The following RIF1 variants were observed in gnomAD, a reference collection of about 807,000 sequenced individuals.
RIF1 encodes the protein replication timing regulatory factor 1.
In RIF1, 45 loss-of-function variants were observed where a neutral mutation model predicts 247.1. That is an observed-to-expected ratio of 0.18 (90% confidence interval 0.14 to 0.23). RIF1 has a LOEUF of 0.23. RIF1 is among the 10% of genes least tolerant of loss of function. RIF1 has a pLI of 1.00. For synonymous variants in RIF1, 1,087 were observed against 978.8 expected (o/e 1.11, Z -2.06); for missense variants, 2,967 against 2,862.5 (o/e 1.04, Z -0.83).
chr2:151,500,114 CAATG>C (rs944814903), intron 11 of RIF1, among the ~76,000 whole-genome samples: 4 of 151,952 alleles, frequency 2.6e-5, no homozygotes, highest in African/African-American at 9.7e-5. Flanking sequence ...ACAGGGAAAA[CAATG>C]AGTATAACAT....
intron 9 of RIF1, chr2:151,492,299 T>C (rs777312993): frequency 1.2e-6 from 2 of 1,605,930 alleles, no homozygotes; most frequent in Non-Finnish European, 1.7e-6. Context: ...GTCATGAATT[T>C]GCTTTATGAA....
At chr2:151,422,425 T>C in intron 7 of RIF1, among the ~76,000 whole-genome samples, 1 of 152,038 alleles carries the variant, frequency 6.6e-6, no homozygotes, top group Non-Finnish European at 1.5e-5. Flanking sequence ...ATCTGAGTGT[T>C]TGTATTAGAG....
chr2:151,509,136 A>G (rs1022661983), downstream of RIF1, among the ~76,000 whole-genome samples: 9 of 152,190 alleles, frequency 5.9e-5, no homozygotes, highest in African/African-American at 1.9e-4. Flanking sequence ...ATAAGTATTG[A>G]AATTTGTAAT....
Position 151,464,046 on chromosome 2 carries a change from A to G in RIF1, c.4526A>G (p.Glu1509Gly), listed in dbSNP as rs1472242968. The change falls in exon 30 of 36, where the codon GAG becomes GGG. Residue 1509 changes from glutamate to glycine, a missense_variant. By Grantham distance (98) the Glu-to-Gly change is moderately conservative. This residue lies in a region of RIF1 where 2,028 missense variants were observed against 1,825.6 expected (regional missense o/e 1.11). Transcript: ENST00000444746. ...TEQNKKKADP[E>G]NIKSEGDGTQ... ...CAAAATAAAAAAAAGGCAGACCCTGAGAACATTAAGTCTGAGGGGGATGGT... is the reference window on the plus strand; with the variant it reads ...CAAAATAAAAAAAAGGCAGACCCTGGGAACATTAAGTCTGAGGGGGATGGT... 6.2e-7 allele frequency: 1 copy of G among 1,612,446 alleles called. No individual in the cohort carries two copies. The highest frequency in any genetic ancestry group is 2.2e-5 in the East Asian group (1 of 44,870).
chr2:151,447,292 A>G (rs1430972941), intron 20 of RIF1, among the ~76,000 whole-genome samples: 2 of 152,210 alleles, frequency 1.3e-5, no homozygotes, highest in African/African-American at 4.8e-5. Flanking sequence ...ACAGATTGAT[A>G]TGCGTCATTC....
rs1266951260 is a variant in RIF1 at position 151,502,780 on chromosome 2, C to T, written c.*710-254C>T. On this transcript the variant is annotated intron_variant and NMD_transcript_variant, in intron 11 of 13. Coordinates refer to the RIF1 transcript ENST00000454583. Reference sequence around the variant, plus strand: ...TTAAGGGATTTTTTTTTTTTTGGCCCCCTAAGAAATACCGAGCTAAAGTTC... The same window carrying T: ...TTAAGGGATTTTTTTTTTTTTGGCCTCCTAAGAAATACCGAGCTAAAGTTC... The T allele has an allele frequency of 6.7e-7, 1 of 1,499,316 alleles. No individual in the cohort carries two copies. Among genetic ancestry groups the T allele is most frequent in the Non-Finnish European group, 9.2e-7 (1 of 1,081,854 alleles). 92.9% of individuals were successfully genotyped at this position (1,499,316 alleles called of 1,614,324 possible).
At position 151,435,535 on chromosome 2, in the gene RIF1, G is replaced by A. The variant is rs749139680; in HGVS notation, c.1150G>A (p.Val384Ile). The A allele has an allele frequency of 5.6e-6, 9 of 1,611,450 alleles. No individual in the cohort carries two copies. In the East Asian group the frequency reaches 1.6e-4, roughly 28 times the overall value. The change falls in exon 11 of 36, where the codon GTA becomes ATA. Residue 384 changes from valine to isoleucine, a missense_variant. By Grantham distance (29) the Val-to-Ile change is conservative. Transcript: ENST00000444746. ...CTCACCTCAGGGCAATTCGTGTCAT[G>A]TAGCTACATCTCCAGGTTTAAATCC... ...NASPQGNSCH[V>I]ATSPGLNPMT... is the part of the protein sequence containing the mutation.
chr2:151,483,046 A>G (rs1020773810), downstream of RIF1, among the ~76,000 whole-genome samples: 3 of 141,078 alleles, frequency 2.1e-5, no homozygotes, highest in African/African-American at 7.7e-5. Context: ...CAGCATCTGC[A>G]AGGATCCTAT....
rs529789186 is a variant in RIF1, at chr2:151,426,514, G to A, written c.787-2270G>A. Among the ~76,000 whole-genome samples, 18 of 151,994 alleles carry A rather than the reference G, an allele frequency of 1.2e-4. No individual in the cohort carries two copies. The South Asian group carries it at 2.9e-3, about 25-fold the overall frequency. ...GACTGCAATTCCGTGTGAATTTGACGATCGACTTCTTTATCTGTGAAAAAG... is the reference window on the plus strand; with the variant it reads ...GACTGCAATTCCGTGTGAATTTGACAATCGACTTCTTTATCTGTGAAAAAG... On this transcript the variant is annotated intron_variant, in intron 8 of 35. Transcript: ENST00000444746.
At chr2:151,444,604 A>G (rs1692927939) in intron 18 of RIF1, among the ~76,000 whole-genome samples, 1 of 152,178 alleles carries the variant, frequency 6.6e-6, no homozygotes. Flanking sequence ...AGCTTTTTAC[A>G]TTATAGTTAA....
Position 151,452,590 on chromosome 2 carries a change from C to T in RIF1, c.2344+885C>T, listed in dbSNP as rs970557619. On this transcript the variant is annotated intron_variant, in intron 21 of 35. Transcript: ENST00000444746. ...AAGTATATTATAGGTCAGAGCATCC[C>T]GGCCTGAGTGCCGTGGAAATATAGG... is the stretch of plus-strand genomic sequence containing the variant. 7.2e-5 allele frequency among the ~76,000 whole-genome samples: 11 copies of T among 152,194 alleles called. No homozygotes were observed. The East Asian group carries it at 1.2e-3, about 16-fold the overall frequency.
chr2:151,513,563 C>T, the RIF1 span: 6 of 1,552,722 alleles, frequency 3.9e-6, no homozygotes, highest in Non-Finnish European at 4.4e-6. Context: ...AGATTGACAT[C>T]GAATAGTAGC....
rs763991246 is a variant in RIF1, at chr2:151,505,479, G to A, written c.*862-731G>A. On this transcript the variant is annotated intron_variant and NMD_transcript_variant, in intron 12 of 13. Transcript: ENST00000454583. ...GGAAGCTGAGAGTATGGCCACTACC[G>A]AGCTAATGTGCTTCTGCGTCTCCTT... is the stretch of plus-strand genomic sequence containing the variant. The A allele has an allele frequency of 8.7e-6, 14 of 1,613,074 alleles. No homozygotes were observed. In the East Asian group the frequency reaches 2.2e-4, roughly 26 times the overall value.
chr2:151,514,210 T>A, the RIF1 span: 68 of 736,164 alleles, frequency 9.2e-5, no homozygotes, highest in Non-Finnish European at 1.3e-4. Flanking sequence ...AATGAAAAGC[T>A]CTGTTTTTCT....
intron 19 of RIF1, among the ~76,000 whole-genome samples, 179 bp downstream of exon 19, chr2:151,445,624 T>G (rs918556224): frequency 6.6e-6 from 1 of 152,192 alleles, no homozygotes; most frequent in African/African-American, 2.4e-5. Flanking sequence ...CTCAGCTTAC[T>G]GCAACCTCTG....
chr2:151,463,664 T>C lies in RIF1; in HGVS notation c.4144T>C (p.Leu1382=), dbSNP rs1264498086. 3.7e-6 allele frequency: 6 copies of C among 1,613,890 alleles called. No homozygotes were observed. The Admixed American group carries it at 8.3e-5, about 22-fold the overall frequency. ...AGAGGAGAAAAATGTAGAAATTAATTTGGAATCCAAAGAGAATACACCCCC... is the reference window on the plus strand; with the variant it reads ...AGAGGAGAAAAATGTAGAAATTAATCTGGAATCCAAAGAGAATACACCCCC... ...TVEEKNVEIN[L]ESKENTPPVV... is the part of the protein sequence containing the mutation. The change falls in exon 30 of 36, where the codon TTG becomes CTG. Residue 1382 remains leucine, a synonymous_variant. Transcript: ENST00000444746.
chr2:151,496,176 T>TTAAG (rs2060040981), intron 10 of RIF1: 2 of 1,310,460 alleles, frequency 1.5e-6, no homozygotes, highest in African/African-American at 3.0e-5. Flanking sequence ...TTCACAAAAT[T>TTAAG]TAAGTTGTCT....
rs1329705907 is a variant in RIF1, at chr2:151,462,440, A to G, written c.3337A>G (p.Lys1113Glu). The change falls in exon 29 of 36, where the codon AAG becomes GAG. Residue 1113 changes from lysine to glutamate, a missense_variant. Physicochemically the swap from Lys to Glu is moderately conservative, Grantham distance 56 (BLOSUM62 1). Transcript: ENST00000444746. Reference protein sequence around the residue: ...MEIPTLTRKPKEDSKMMITEE... With the variant: ...MEIPTLTRKPEEDSKMMITEE... ...AATTCCTACTTTAACCAGAAAACCA[A>G]AGGAGGATTCTAAGATGATGATTAC... 1.3e-6 allele frequency: 2 copies of G among 1,564,106 alleles called. No individual in the cohort carries two copies. The highest frequency in any genetic ancestry group is 2.4e-4 in the Middle Eastern group (1 of 4,238).
At chr2:151,449,498 ATAGTGGC>A (rs1320720015) in intron 20 of RIF1, among the ~76,000 whole-genome samples, 1 of 151,862 alleles carries the variant, frequency 6.6e-6, no homozygotes, top group Non-Finnish European at 1.5e-5. Flanking sequence ...AAGCTGGAGT[ATAGTGGC>A]TATTCACAGG....
Sources: allele counts gnomAD v4.1 joint callset (sites outside exome capture counted in the v4.1 genomes callset), GRCh38; gene constraint gnomAD v4.1.1; regional missense constraint gnomAD v4.1.1; transcripts MANE v1.5; gene names NCBI Gene and HGNC (gene_info 2026-07-23, HGNC 2026-07-21).